RSPO3: variants seen among roughly 807,000 people sequenced by gnomAD.
RSPO3 encodes R-spondin 3.
Under a neutral mutation model 36.5 loss-of-function variants are expected in RSPO3, and 17 were observed. The ratio of observed to expected loss-of-function variants is 0.47; its 90% CI spans 0.32 to 0.70. The LOEUF (loss-of-function observed/expected upper bound fraction) is 0.70. RSPO3 is among the 30% of genes least tolerant of loss of function. The probability of loss-of-function intolerance (pLI) is 0.04; values close to 1 mark genes in which losing one functional copy is unlikely to be tolerated. For missense variants in RSPO3, 294 were observed against 322.5 expected, an observed-to-expected ratio of 0.91 and a Z score of 0.68; for synonymous variants, 108 against 107.0, an observed-to-expected ratio of 1.01 and a Z score of -0.06.
At chr6:127,152,763 C>T (rs1774515693) in intron 3 of RSPO3, among the ~76,000 whole-genome samples, 1 of 152,082 alleles carries the variant, frequency 6.6e-6, no homozygotes, top group South Asian at 2.1e-4. Flanking sequence ...GAAACAGAAA[C>T]ATCCACTGAA....
chr6:127,125,740 TTTTA>T, intron 1 of RSPO3, among the ~76,000 whole-genome samples: 1 of 152,138 alleles, frequency 6.6e-6, no homozygotes, highest in Non-Finnish European at 1.5e-5. Flanking sequence ...AATTCACATT[TTTTA>T]TTGTCTGAAA....
At chr6:127,147,034 G>A (rs978717587) in intron 1 of RSPO3, among the ~76,000 whole-genome samples, 1 of 152,066 alleles carries the variant, frequency 6.6e-6, no homozygotes, top group Non-Finnish European at 1.5e-5. Context: ...CACTTTATGT[G>A]ACTACCCCGC....
At chr6:127,177,146 T>C (rs1327583044) in intron 4 of RSPO3, among the ~76,000 whole-genome samples, 1 of 151,826 alleles carries the variant, frequency 6.6e-6, no homozygotes, top group Non-Finnish European at 1.5e-5. Context: ...CGCTGGATAT[T>C]TTGCTCATTC....
chr6:127,197,657 C>G lies in RSPO3; in HGVS notation c.*1650C>G, dbSNP rs1401761887. On this transcript the variant is annotated 3_prime_UTR_variant, in exon 5 of 5. Transcript: ENST00000356698. The stretch of plus-strand genomic sequence containing the variant: ...ATGACTCTGGCTTCTGGCTGCTTAT[C>G]TCTGGACACCCGTTCTCCACCAGTT... 18 of 1,117,448 alleles carry G rather than the reference C, an allele frequency of 1.6e-5. No individual in the cohort carries two copies. Among genetic ancestry groups the G allele is most frequent in the Non-Finnish European group, 2.1e-5 (17 of 808,656 alleles). 69.2% of individuals were successfully genotyped at this position (1,117,448 alleles called of 1,614,324 possible). A position where few individuals can be genotyped will look rare whatever the true frequency, so the allele number is the denominator to read the frequency against.
intron 1 of RSPO3, among the ~76,000 whole-genome samples, chr6:127,131,423 A>T (rs1363654088): frequency 6.6e-6 from 1 of 152,084 alleles, no homozygotes; most frequent in Non-Finnish European, 1.5e-5. Context: ...CGATCCAAGA[A>T]ACCTTCATGT....
chr6:127,126,527 T>C (rs528851083), intron 1 of RSPO3, among the ~76,000 whole-genome samples: 1 of 152,250 alleles, frequency 6.6e-6, no homozygotes, highest in East Asian at 1.9e-4. Flanking sequence ...GTAGTTGTTG[T>C]TGCCAAATCT....
In RSPO3 at chr6:127,181,623, T is replaced by C. The variant is rs117537663; in HGVS notation, c.635-14200T>C. 7.3e-3 allele frequency among the ~76,000 whole-genome samples: 1,103 copies of C among 151,978 alleles called. 11 individuals carry two copies. Among genetic ancestry groups the C allele is most frequent in the South Asian group, 0.025 (122 of 4,824 alleles). On this transcript the variant is annotated intron_variant, in intron 4 of 4. Transcript: ENST00000356698. Reference sequence around the variant, plus strand: ...GACCTTGCAGGATCCAAAAGTGTGCTTGATTAAGGGTGGGCAAGATGTAAT... The same window carrying C: ...GACCTTGCAGGATCCAAAAGTGTGCCTGATTAAGGGTGGGCAAGATGTAAT...
At chr6:127,164,990 TGTAA>T (rs370499099) in intron 4 of RSPO3, among the ~76,000 whole-genome samples, 27 of 152,232 alleles carry the variant, frequency 1.8e-4, no homozygotes, top group African/African-American at 2.9e-4. Flanking sequence ...CATGTACATC[TGTAA>T]GTGAGATATT....
intron 1 of RSPO3, among the ~76,000 whole-genome samples, chr6:127,147,671 G>C (rs2114579527): frequency 6.6e-6 from 1 of 152,122 alleles, no homozygotes; most frequent in East Asian, 1.9e-4. Flanking sequence ...AAGCAAACAT[G>C]AGTCTCCCAA....
intron 3 of RSPO3, among the ~76,000 whole-genome samples, chr6:127,151,179 G>A (rs1774484461): frequency 6.6e-6 from 1 of 151,770 alleles, no homozygotes; most frequent in African/African-American, 2.4e-5. Flanking sequence ...TATTCTGCTT[G>A]CACAGGTATT....
chr6:127,185,412 T>C (rs1432428947), intron 4 of RSPO3, among the ~76,000 whole-genome samples: 4 of 151,782 alleles, frequency 2.6e-5, no homozygotes, highest in African/African-American at 7.3e-5. Context: ...TTTTTCAAAC[T>C]AGTTAAGAAA....
intron 1 of RSPO3, among the ~76,000 whole-genome samples, chr6:127,146,383 A>G (rs1480955116): frequency 6.6e-6 from 1 of 152,106 alleles, no homozygotes; most frequent in African/African-American, 2.4e-5. Context: ...GACAGAGGGA[A>G]TCAAGCAAGG....
At chr6:127,132,555 A>G (rs1774078524) in intron 1 of RSPO3, among the ~76,000 whole-genome samples, 1 of 152,088 alleles carries the variant, frequency 6.6e-6, no homozygotes, top group Non-Finnish European at 1.5e-5. Flanking sequence ...TTCAAATGCA[A>G]TTCTTGGCTA....
chr6:127,133,754 T>C (rs1383193583), intron 1 of RSPO3, among the ~76,000 whole-genome samples: 1 of 152,026 alleles, frequency 6.6e-6, no homozygotes, highest in East Asian at 1.9e-4. Context: ...AGGGGAAAAA[T>C]ATGGAAAAAT....
chr6:127,177,820 T>A (rs1268641250), intron 4 of RSPO3, among the ~76,000 whole-genome samples: 2 of 151,722 alleles, frequency 1.3e-5, no homozygotes, highest in African/African-American at 2.4e-5. Flanking sequence ...CAGTCGTAAA[T>A]GCTCTTCAGG....
chr6:127,137,975 A>C (rs1774194371), intron 1 of RSPO3, among the ~76,000 whole-genome samples: 1 of 152,206 alleles, frequency 6.6e-6, no homozygotes, highest in Admixed American at 6.5e-5. Flanking sequence ...GTAATCATTG[A>C]ATAAACAATT....
chr6:127,148,064 G>C (rs1469691368), intron 1 of RSPO3, among the ~76,000 whole-genome samples: 1 of 151,996 alleles, frequency 6.6e-6, no homozygotes, highest in African/African-American at 2.4e-5. Flanking sequence ...AGTTTGCATT[G>C]GATCAAAAAG....
intron 1 of RSPO3, among the ~76,000 whole-genome samples, chr6:127,147,200 C>T (rs1015844151): frequency 3.3e-5 from 5 of 152,096 alleles, no homozygotes; most frequent in African/African-American, 1.2e-4. Context: ...GCTGGTCAAC[C>T]GAATGACCTC....
At chr6:127,130,866 C>T (rs1280921153) in intron 1 of RSPO3, among the ~76,000 whole-genome samples, 1 of 151,926 alleles carries the variant, frequency 6.6e-6, no homozygotes, top group African/African-American at 2.4e-5. Flanking sequence ...CAAAAGGACC[C>T]TCGTTGCTTG....
Sources: allele counts gnomAD v4.1 joint callset (sites outside exome capture counted in the v4.1 genomes callset), GRCh38; gene constraint gnomAD v4.1.1; transcripts MANE v1.5; gene names NCBI Gene and HGNC (gene_info 2026-07-23, HGNC 2026-07-21).